GTSF1: variants seen among roughly 807,000 people sequenced by gnomAD.
The protein encoded by GTSF1 is gametocyte specific factor 1, also known as gametocyte-specific factor 1.
A neutral mutation model predicts 28.9 loss-of-function variants in GTSF1; 11 were observed. That is an observed-to-expected ratio of 0.38 (90% CI 0.24 to 0.63). GTSF1 has a LOEUF of 0.63. Ranked by LOEUF, GTSF1 falls within the 30% of genes least tolerant of loss-of-function variation. The pLI is 0.56. For missense variants in GTSF1, 146 were observed against 201.0 expected (o/e 0.73, Z 1.66); for synonymous variants, 69 against 65.6 (o/e 1.05, Z -0.25).
At chr12:54,459,036 G>A in intron 8 of GTSF1, 53 bp downstream of exon 8, 1 of 1,322,712 alleles carries the variant, frequency 7.6e-7, no homozygotes, top group Non-Finnish European at 1.1e-6. Flanking sequence ...TTTATGTCCA[G>A]TTAAATCTTG....
chr12:54,456,706 A>T (rs1288540854), intron 8 of GTSF1, among the ~76,000 whole-genome samples: 1 of 152,252 alleles, frequency 6.6e-6, no homozygotes, highest in Non-Finnish European at 1.5e-5. Flanking sequence ...CTCACACTTA[A>T]GTTCCTTAAG....
intron 2 of GTSF1, among the ~76,000 whole-genome samples, chr12:54,467,768 G>T (rs956206166): frequency 6.7e-6 from 1 of 150,038 alleles, no homozygotes. Flanking sequence ...CATTTACATT[G>T]TTTCCAGATT....
At chr12:54,459,035 A>G in intron 8 of GTSF1, 54 bp downstream of exon 8, 1 of 1,276,200 alleles carries the variant, frequency 7.8e-7, no homozygotes, top group Non-Finnish European at 1.1e-6. Context: ...CTTTATGTCC[A>G]GTTAAATCTT....
In GTSF1 at chr12:54,460,399, C is replaced by A; in HGVS notation, c.465G>T (p.Pro155=). 3 of 1,613,022 alleles carry A rather than the reference C, an allele frequency of 1.9e-6. No homozygotes were observed. Among genetic ancestry groups the A allele is most frequent in the Non-Finnish European group, 1.7e-6 (2 of 1,179,054 alleles). Residue 155 remains proline, a synonymous_variant, in exon 7 of 9, where the codon CCG becomes CCT. Transcript: ENST00000305879. ...TACTGTTTTTCCATGGCAGAACATA[C>A]GGCAGAGATTTGGGAACTCGCATGC... ...ASGMRVPKSL[P]YVLPWKNNGN... is the part of the protein sequence containing the mutation.
At position 54,471,221 on chromosome 12, in the gene GTSF1, A is replaced by G. The variant is rs1293274214; in HGVS notation, c.16+12T>C. 2 of 1,571,474 alleles carry G rather than the reference A, an allele frequency of 1.3e-6. No individual in the cohort carries two copies. Among genetic ancestry groups the G allele is most frequent in the Admixed American group, 1.9e-5 (1 of 52,442 alleles). On this transcript the variant is annotated intron_variant, in intron 2 of 8. Transcript: ENST00000305879. ...TTTAACTTATTTTCTAAAAGCAACA[A>G]GGAGTACATACTGTAAGTTTCTTCC...
chr12:54,472,328 A>G (rs942050443), intron 1 of GTSF1: 6 of 152,162 alleles, frequency 3.9e-5, no homozygotes, highest in South Asian at 2.1e-4. Flanking sequence ...TCTCATCCCA[A>G]TCTTCAGTGC....
At chr12:54,461,794 G>A (rs12298201) in intron 6 of GTSF1, among the ~76,000 whole-genome samples, 1,928 of 152,282 alleles carry the variant, frequency 0.013, 20 homozygotes, top group African/African-American at 0.02. Context: ...AAGTGGTATA[G>A]TGGGAGAATT....
At chr12:54,460,514 T>C (rs1255543752) in intron 6 of GTSF1, 43 bp from the exon 7 acceptor site, 6 of 1,313,238 alleles carry the variant, frequency 4.6e-6, no homozygotes, top group Non-Finnish European at 6.6e-6. Flanking sequence ...ATCAGTATCA[T>C]TCAAGCAGGC....
Position 54,462,195 on chromosome 12 carries a change from G to C in GTSF1, c.329-23C>G, listed in dbSNP as rs752364940. 1.1e-5 allele frequency: 17 copies of C among 1,582,356 alleles called. No individual in the cohort carries two copies. The Admixed American group carries it at 1.2e-4, about 11-fold the overall frequency. On this transcript the variant is annotated intron_variant, in intron 5 of 8. Coordinates refer to ENST00000305879, the MANE Select transcript of GTSF1 (RefSeq NM_144594.3). ...AATCTGTTAAAGGAAGCAAAACATA[G>C]TTTGTGGTACTACTAGATAAGACAC...
In GTSF1 at chr12:54,471,562, TGATAA is replaced by T. The variant is rs58997983; in HGVS notation, c.-29-290_-29-286del. ...AGTTCAAATTTAAGCTGTATTTGGG[TGATAA>T]GATGTCTACCTTAAGTGCTATTACT... is the stretch of plus-strand genomic sequence containing the variant. On this transcript the variant is annotated intron_variant, in intron 1 of 8. Coordinates refer to ENST00000305879, the MANE Select transcript of GTSF1 (RefSeq NM_144594.3). Among the ~76,000 whole-genome samples, 372 of 152,232 alleles carry T rather than the reference TGATAA, an allele frequency of 2.4e-3. 2 individuals carry two copies. The highest frequency in any genetic ancestry group is 8.1e-3 in the African/African-American group (335 of 41,534).
chr12:54,470,990 T>A (rs146321057), intron 2 of GTSF1, among the ~76,000 whole-genome samples: 98 of 152,374 alleles, frequency 6.4e-4, no homozygotes, highest in African/African-American at 2.2e-3. Flanking sequence ...GGTGAAGTCC[T>A]GCCTCATTTA....
At chr12:54,465,023 TA>T in intron 3 of GTSF1, 43 bp downstream of exon 3, 1 of 1,180,214 alleles carries the variant, frequency 8.5e-7, no homozygotes, top group East Asian at 2.4e-5. Context: ...TATGGCCTTT[TA>T]AAAGAACTCA....
intron 8 of GTSF1, 30 bp from the exon 9 acceptor site, chr12:54,456,183 T>C (rs1956327089): frequency 6.6e-6 from 1 of 152,392 alleles, no homozygotes. Context: ...AAAAAGTTCT[T>C]AGTTTTTTTC....
intron 8 of GTSF1, among the ~76,000 whole-genome samples, chr12:54,456,404 A>C (rs751142289): frequency 1.3e-4 from 20 of 152,374 alleles, no homozygotes; most frequent in Middle Eastern, 3.4e-3. Context: ...TTCTGTGTCA[A>C]GAGTTTTACA....
intron 3 of GTSF1, among the ~76,000 whole-genome samples, chr12:54,463,511 T>C (rs994041898): frequency 6.6e-5 from 10 of 152,198 alleles, no homozygotes; most frequent in Admixed American, 6.5e-4. Context: ...ATAAGTCTTT[T>C]TGTTATGATT....
intron 2 of GTSF1, among the ~76,000 whole-genome samples, chr12:54,466,428 C>A (rs1223634605): frequency 1.3e-5 from 2 of 152,092 alleles, no homozygotes; most frequent in African/African-American, 2.4e-5. Flanking sequence ...GCAAATGAGC[C>A]AGAAAGGTGA....
intron 2 of GTSF1, among the ~76,000 whole-genome samples, chr12:54,469,798 C>A (rs2120799678): frequency 6.6e-6 from 1 of 151,816 alleles, no homozygotes; most frequent in South Asian, 2.1e-4. Flanking sequence ...AAGTGATCCT[C>A]CTGCCTCAGC....
intron 3 of GTSF1, among the ~76,000 whole-genome samples, chr12:54,464,008 A>T (rs1013913203): frequency 7.2e-5 from 11 of 152,194 alleles, no homozygotes; most frequent in Admixed American, 7.2e-4. Context: ...CAATTAAGAA[A>T]TTTATTAGGA....
At position 54,462,696 on chromosome 12, in the gene GTSF1, T is replaced by C; in HGVS notation, c.274A>G (p.Thr92Ala). ...VNQTRSLRQE[T>A]LAESTWQCPP... ...CACTGCCAAGTGCTCTCAGCCAGAGTCTCTTGTCTAAGGCTCCTGGTTTGG... is the reference window on the plus strand; with the variant it reads ...CACTGCCAAGTGCTCTCAGCCAGAGCCTCTTGTCTAAGGCTCCTGGTTTGG... Residue 92 changes from threonine to alanine, a missense_variant, in exon 5 of 9, where the codon ACT becomes GCT. Coordinates refer to ENST00000305879, the MANE Select transcript of GTSF1 (RefSeq NM_144594.3). 3 of 1,613,902 alleles carry C rather than the reference T, an allele frequency of 1.9e-6. No homozygotes were observed. Among genetic ancestry groups the C allele is most frequent in the Non-Finnish European group, 2.5e-6 (3 of 1,179,906 alleles).
Sources: gnomAD v4.1 joint callset for allele counts (sites outside exome capture counted in the v4.1 genomes callset) on GRCh38, gnomAD v4.1.1 for gene constraint, MANE v1.5 for transcripts, NCBI Gene and HGNC (gene_info 2026-07-23, HGNC 2026-07-21) for gene names.